Variants in PLEKHG1 observed in about 807,000 individuals in gnomAD.
PLEKHG1 encodes pleckstrin homology domain-containing family G member 1.
Under a neutral mutation model 100.8 loss-of-function variants are expected in PLEKHG1, and 44 were observed. The observed-to-expected ratio is 0.44, with a 90% confidence interval of 0.34 to 0.56. The LOEUF (loss-of-function observed/expected upper bound fraction) is 0.56, where lower values mean the gene tolerates loss of function less well. Among genes scored for constraint, PLEKHG1 ranks in the 20% least tolerant of loss-of-function variants. PLEKHG1 has a pLI of 0.01. For synonymous variants in PLEKHG1, 640 were observed against 662.5 expected, an observed-to-expected ratio of 0.97 and a Z score of 0.52; for missense variants, 1,545 against 1,720.9, an observed-to-expected ratio of 0.90 and a Z score of 1.81.
At chr6:150,761,712 G>T (rs1186222036) in intron 2 of PLEKHG1, among the ~76,000 whole-genome samples, 1 of 152,182 alleles carries the variant, frequency 6.6e-6, no homozygotes, top group African/African-American at 2.4e-5. Context: ...GTTCATAGAT[G>T]TGTTTTTGCT....
rs527744211 is a variant in PLEKHG1, at chr6:150,628,840, G to C, written c.-203-9240G>C. On this transcript the variant is annotated intron_variant, in intron 1 of 3. Transcript: ENST00000367326. ...ACTGGTTAGAGAAGCACTACTCCAGGTAAGAATGTAGTGCTGTCATCCACA... is the reference window on the plus strand; with the variant it reads ...ACTGGTTAGAGAAGCACTACTCCAGCTAAGAATGTAGTGCTGTCATCCACA... Among the ~76,000 whole-genome samples the C allele has an allele frequency of 2.0e-5, 3 of 152,290 alleles. No individual in the cohort carries two copies. The East Asian group carries it at 5.8e-4, about 29-fold the overall frequency.
At chr6:150,611,824 A>AG (rs1776842842) in intron 1 of PLEKHG1, among the ~76,000 whole-genome samples, 1 of 151,966 alleles carries the variant, frequency 6.6e-6, no homozygotes, top group Non-Finnish European at 1.5e-5. Flanking sequence ...AAAAAAAAAA[A>AG]AAAGAAAGAA....
intron 2 of PLEKHG1, among the ~76,000 whole-genome samples, chr6:150,745,682 C>CA (rs1388779071): frequency 0.02 from 1,547 of 77,028 alleles, 25 homozygotes; most frequent in East Asian, 0.084. Flanking sequence ...GACTCCATCT[C>CA]AAAAAAAAAA....
chr6:150,800,602 C>A, intron 5 of PLEKHG1, 117 bp from the exon 7 acceptor site: 1 of 931,724 alleles, frequency 1.1e-6, no homozygotes, highest in Non-Finnish European at 1.6e-6. Context: ...CTGATCTGAC[C>A]ACAGCTCTGG....
At chr6:150,832,635 C>CA (rs916177183) in intron 15 of PLEKHG1, among the ~76,000 whole-genome samples, 2 of 149,450 alleles carry the variant, frequency 1.3e-5, no homozygotes, top group African/African-American at 4.9e-5. Flanking sequence ...AGGATCTCAA[C>CA]AAAAATGCCA....
chr6:150,707,421 C>T (rs1004833720), intron 3 of PLEKHG1, among the ~76,000 whole-genome samples: 4 of 152,050 alleles, frequency 2.6e-5, no homozygotes, highest in Admixed American at 2.0e-4. Context: ...CCGGATGTGC[C>T]CACGTGTATA....
chr6:150,764,928 G>A (rs1200955937), intron 2 of PLEKHG1, among the ~76,000 whole-genome samples: 1 of 146,820 alleles, frequency 6.8e-6, no homozygotes, highest in Non-Finnish European at 1.5e-5. Flanking sequence ...AGCTTGCTGG[G>A]GGAAGGGATC....
chr6:150,632,338 T>A (rs1370020301), intron 1 of PLEKHG1, among the ~76,000 whole-genome samples: 1 of 152,286 alleles, frequency 6.6e-6, no homozygotes, highest in East Asian at 1.9e-4. Context: ...TTTTTATAAC[T>A]TGAAAAGTAA....
At chr6:150,693,375 G>A (rs575417630) in intron 3 of PLEKHG1, among the ~76,000 whole-genome samples, 1 of 152,222 alleles carries the variant, frequency 6.6e-6, no homozygotes, top group East Asian at 1.9e-4. Context: ...TCAACTTTTG[G>A]CTTCTCTCTC....
intron 3 of PLEKHG1, among the ~76,000 whole-genome samples, chr6:150,658,909 C>T (rs1387238380): frequency 6.6e-6 from 1 of 152,208 alleles, no homozygotes; most frequent in African/African-American, 2.4e-5. Flanking sequence ...TATATTATTT[C>T]TTAATTCTTT....
chr6:150,721,555 C>T (rs998613341), intron 1 of PLEKHG1, among the ~76,000 whole-genome samples: 9 of 152,188 alleles, frequency 5.9e-5, no homozygotes, highest in South Asian at 2.1e-4. Flanking sequence ...AGTTGTCACG[C>T]GCCGAATGCC....
intron 1 of PLEKHG1, among the ~76,000 whole-genome samples, chr6:150,626,917 C>T (rs1777535287): frequency 1.3e-5 from 2 of 152,150 alleles, no homozygotes; most frequent in African/African-American, 2.4e-5. Context: ...TGTGCTCAAC[C>T]ATTAGTAAAC....
intron 13 of PLEKHG1, 53 bp downstream of exon 14, chr6:150,821,286 C>A: frequency 8.9e-7 from 1 of 1,120,014 alleles, no homozygotes; most frequent in South Asian, 1.3e-5. Context: ...TTCACTAAAT[C>A]AAACCACACA....
intron 10 of PLEKHG1, among the ~76,000 whole-genome samples, chr6:150,816,570 C>T (rs965680000): frequency 3.3e-5 from 5 of 151,830 alleles, no homozygotes; most frequent in Admixed American, 3.3e-4. Flanking sequence ...GTGATCTGCC[C>T]GCCTCAGCCT....
intron 3 of PLEKHG1, among the ~76,000 whole-genome samples, chr6:150,785,185 C>A (rs570259190): frequency 6.6e-6 from 1 of 152,152 alleles, no homozygotes; most frequent in African/African-American, 2.4e-5. Flanking sequence ...CTTCTTAGAG[C>A]AGAAATAGCC....
At chr6:150,789,013 A>G (rs1276663465) in intron 4 of PLEKHG1, among the ~76,000 whole-genome samples, 2 of 152,230 alleles carry the variant, frequency 1.3e-5, no homozygotes, top group African/African-American at 2.4e-5. Flanking sequence ...TGCTGTTTAC[A>G]TATTAAGTCT....
At chr6:150,803,562 C>T (rs9478136) in intron 6 of PLEKHG1, among the ~76,000 whole-genome samples, 59,456 of 151,956 alleles carry the variant, frequency 0.39, 13,142 homozygotes, top group East Asian at 0.71. Context: ...CCCTCTCTCA[C>T]GTTCCTGGGA....
intron 11 of PLEKHG1, among the ~76,000 whole-genome samples, chr6:150,819,031 G>A (rs1275699103): frequency 2.6e-5 from 4 of 151,938 alleles, no homozygotes; most frequent in East Asian, 1.9e-4. Flanking sequence ...CAACAGACCC[G>A]AGAAATGATG....
At position 150,733,895 on chromosome 6, in the gene PLEKHG1, C is replaced by T. The variant is rs80178830; in HGVS notation, c.214C>T (p.Pro72Ser). ...CAGCAGCGAGCTGCAGAGGGACAAC[C>T]CCGCCACGGGGCAACAGAACGCGGA... The change falls in exon 2 of 16, where the codon CCC becomes TCC. Residue 72 changes from proline to serine, a missense_variant. Physicochemically the swap from Pro to Ser is moderately conservative, Grantham distance 74. Coordinates refer to ENST00000358517, the Ensembl canonical transcript of PLEKHG1. 8.9e-3 allele frequency: 14,352 copies of T among 1,614,184 alleles called. 253 individuals carry two copies. The East Asian group carries it at 0.095, about 11-fold the overall frequency.
Sources: allele counts gnomAD v4.1 joint callset (sites outside exome capture counted in the v4.1 genomes callset), GRCh38; gene constraint gnomAD v4.1.1; transcripts MANE v1.5; gene names NCBI Gene and HGNC (gene_info 2026-07-23, HGNC 2026-07-21).